STAB2: variants seen among roughly 807,000 people sequenced by gnomAD.
STAB2 encodes stabilin 2, also known as stabilin-2.
In STAB2, 288 loss-of-function variants were observed where a neutral mutation model predicts 338.1. That is an observed-to-expected ratio of 0.85 (90% CI 0.77 to 0.94). STAB2 has a LOEUF of 0.94. STAB2 is among the 40% of genes least tolerant of loss of function. The pLI, the probability that STAB2 is intolerant of heterozygous loss-of-function variation, is 0.00. For missense variants in STAB2, 3,141 were observed against 3,210.1 expected (o/e 0.98, Z 0.52); for synonymous variants, 1,202 against 1,193.3 (o/e 1.01, Z -0.15).
intron 22 of STAB2, among the ~76,000 whole-genome samples, chr12:103,672,819 T>C (rs915962778): frequency 6.6e-6 from 1 of 152,218 alleles, no homozygotes; most frequent in Admixed American, 6.5e-5. Context: ...TTTAAAATGA[T>C]AACGGTGATA....
At chr12:103,650,396 A>G in intron 10 of STAB2, 100 bp from the exon 11 acceptor site, 1 of 894,846 alleles carries the variant, frequency 1.1e-6, no homozygotes, top group East Asian at 2.6e-5. Context: ...AAGGGCATAA[A>G]TGGACCGGTC....
intron 60 of STAB2, among the ~76,000 whole-genome samples, chr12:103,752,888 CAAAAAATAAAGT>C (rs1469403141): frequency 3.3e-5 from 5 of 151,672 alleles, no homozygotes; most frequent in Non-Finnish European, 7.4e-5. Flanking sequence ...AAAAATTTAC[CAAAAAATAAAGT>C]AAAATTCTAG....
intron 6 of STAB2, 96 bp downstream of exon 6, chr12:103,631,789 C>A: frequency 3.4e-6 from 4 of 1,179,574 alleles, no homozygotes; most frequent in Non-Finnish European, 5.0e-6. Context: ...TCTGCAGGGG[C>A]AAGGTACTAC....
rs1303482201 is a variant in STAB2 at position 103,668,922 on chromosome 12, G to T, written c.2172+193G>T. On this transcript the variant is annotated intron_variant, in intron 20 of 68. Transcript: ENST00000388887. ...CTTTCCTGCATCACAGCCTCCCATG[G>T]TTCCCTACCCTCTTAACACAGATCA... is the stretch of plus-strand genomic sequence containing the variant. 5.3e-6 allele frequency: 3 copies of T among 563,842 alleles called. No homozygotes were observed. The East Asian group carries it at 9.0e-5, about 17-fold the overall frequency. 34.9% of individuals were successfully genotyped at this position (563,842 alleles called of 1,614,324 possible). A position where few individuals can be genotyped will look rare whatever the true frequency, so the allele number is the denominator to read the frequency against.
At chr12:103,704,670 A>G in intron 36 of STAB2, 56 bp downstream of exon 36, 4 of 1,504,606 alleles carry the variant, frequency 2.7e-6, no homozygotes, top group Non-Finnish European at 3.7e-6. Context: ...AGTCCCAATT[A>G]GAAAATGAAC....
intron 22 of STAB2, among the ~76,000 whole-genome samples, chr12:103,671,636 A>T (rs921611687): frequency 2.0e-5 from 3 of 152,196 alleles, no homozygotes; most frequent in Non-Finnish European, 2.9e-5. Context: ...ATAAATGGAA[A>T]CCGCTTGCCT....
intron 1 of STAB2, among the ~76,000 whole-genome samples, chr12:103,587,878 A>G (rs1461389738): frequency 3.3e-5 from 5 of 152,212 alleles, no homozygotes; most frequent in Non-Finnish European, 1.5e-5. Context: ...AATATCTACC[A>G]TCCCATCTTC....
chr12:103,740,297 A>C (rs1882478893), intron 54 of STAB2, among the ~76,000 whole-genome samples: 1 of 152,014 alleles, frequency 6.6e-6, no homozygotes, highest in African/African-American at 2.4e-5. Flanking sequence ...GCCTTGCCCC[A>C]CACCCCTTCC....
At chr12:103,601,917 C>T (rs1416099758) in intron 3 of STAB2, among the ~76,000 whole-genome samples, 1 of 152,146 alleles carries the variant, frequency 6.6e-6, no homozygotes, top group Non-Finnish European at 1.5e-5. Flanking sequence ...ATATTAATTG[C>T]CTTTTCCACA....
intron 25 of STAB2, 86 bp from the exon 26 acceptor site, chr12:103,683,119 A>G (rs1166506517): frequency 1.7e-6 from 2 of 1,174,414 alleles, no homozygotes; most frequent in African/African-American, 1.5e-5. Flanking sequence ...CAGTTTCCAT[A>G]GTACGTTTCT....
At position 103,755,306 on chromosome 12, in the gene STAB2, A is replaced by G. The variant is rs1313943289; in HGVS notation, c.6719A>G (p.Lys2240Arg). The change falls in exon 62 of 69, where the codon AAG (lysine) becomes AGG (arginine). Residue 2240 changes from lysine to arginine, a missense_variant. Lys to Arg is a conservative substitution (Grantham distance 26). Transcript: ENST00000388887. Reference protein sequence around the residue: ...YNQLSYAQKAKYHLCSAGWLE... With the variant: ...YNQLSYAQKARYHLCSAGWLE... ...GCCCTGTCTGTATCCCTGCAGGCCAAGTACCACCTGTGCTCAGCAGGCTGG... is the reference window on the plus strand; with the variant it reads ...GCCCTGTCTGTATCCCTGCAGGCCAGGTACCACCTGTGCTCAGCAGGCTGG... 2.5e-6 allele frequency: 4 copies of G among 1,613,826 alleles called. No homozygotes were observed. The highest frequency in any genetic ancestry group is 3.3e-5 in the Admixed American group (2 of 60,002).
At chr12:103,690,013 A>G (rs1439568007) in intron 29 of STAB2, 31 bp downstream of exon 29, 1 of 1,604,826 alleles carries the variant, frequency 6.2e-7, no homozygotes, top group African/African-American at 1.3e-5. Flanking sequence ...TTTACATCGT[A>G]TCTGAATGGC....
At chr12:103,711,546 A>C (rs1244438563) in intron 40 of STAB2, 30 bp downstream of exon 40, 1 of 1,612,146 alleles carries the variant, frequency 6.2e-7, no homozygotes. Context: ...CTCTGGGGAC[A>C]GTGTAAAGGG....
chr12:103,716,678 G>T (rs1306820612), intron 43 of STAB2, among the ~76,000 whole-genome samples: 1 of 152,240 alleles, frequency 6.6e-6, no homozygotes, highest in Non-Finnish European at 1.5e-5. Flanking sequence ...ATGCACATGT[G>T]TGTGGACACA....
chr12:103,667,710 T>C (rs1875287160), intron 19 of STAB2, among the ~76,000 whole-genome samples: 1 of 152,198 alleles, frequency 6.6e-6, no homozygotes, highest in African/African-American at 2.4e-5. Flanking sequence ...ATATAGCTAA[T>C]ATTTTAGGAT....
Position 103,637,116 on chromosome 12 carries a change from C to A in STAB2, c.589C>A (p.Pro197Thr). 2 of 1,602,208 alleles carry A rather than the reference C, an allele frequency of 1.2e-6. No homozygotes were observed. Among genetic ancestry groups the A allele is most frequent in the South Asian group, 2.3e-5 (2 of 88,478 alleles). Residue 197 changes from proline to threonine, a missense_variant, in exon 7 of 69, where the codon CCT (proline) becomes ACT (threonine). Pro to Thr is a conservative substitution (Grantham distance 38). Transcript: ENST00000388887. ...YTGPKCDKPI[P>T]ECAALLCPEN... ...TCAACAATTTTCCTATGCAGCCATC[C>A]CTGAATGTGCAGCCTTGCTCTGCCC...
chr12:103,753,488 C>A, intron 61 of STAB2, 135 bp downstream of exon 61: 1 of 1,188,720 alleles, frequency 8.4e-7, no homozygotes, highest in Non-Finnish European at 1.2e-6. Flanking sequence ...ACAATGCTAA[C>A]AGTCACCATG....
chr12:103,692,958 A>AT (rs11440653), intron 31 of STAB2, 69 bp downstream of exon 31: 185,086 of 1,116,682 alleles, frequency 0.17, 5,882 homozygotes, highest in East Asian at 0.26. Flanking sequence ...CCTATACAGC[A>AT]TTTTTTTTTT....
chr12:103,601,423 A>G (rs1025578999), intron 3 of STAB2, among the ~76,000 whole-genome samples: 12 of 152,128 alleles, frequency 7.9e-5, no homozygotes, highest in African/African-American at 2.9e-4. Flanking sequence ...AAAATTTCAG[A>G]TCTACAAAAA....
Sources: gnomAD v4.1 joint callset for allele counts (sites outside exome capture counted in the v4.1 genomes callset) on GRCh38, gnomAD v4.1.1 for gene constraint, MANE v1.5 for transcripts, NCBI Gene and HGNC (gene_info 2026-07-23, HGNC 2026-07-21) for gene names.